Variants in PSAT1 observed in about 807,000 individuals in gnomAD.
The protein encoded by PSAT1 is phosphoserine aminotransferase.
A neutral mutation model predicts 40.3 loss-of-function variants in PSAT1; 41 were observed. The ratio of observed to expected loss-of-function variants is 1.02; its 90% CI spans 0.79 to 1.32. The LOEUF is 1.32. Among genes scored for constraint, PSAT1 ranks in the 40% most tolerant of loss-of-function variants. PSAT1 has a pLI of 0.00. For synonymous variants in PSAT1, 147 were observed against 170.5 expected (o/e 0.86, Z 1.07); for missense variants, 406 against 455.8 (o/e 0.89, Z 0.99).
intron 4 of PSAT1, 147 bp downstream of exon 4, chr9:78,305,087 A>G (rs752447595): frequency 8.1e-6 from 6 of 742,648 alleles, no homozygotes; most frequent in Non-Finnish European, 1.4e-5. Context: ...AGCTAAGACT[A>G]GAGCCTATGC....
At chr9:78,298,213 A>G (rs1428730815) in intron 1 of PSAT1, 1 of 902,280 alleles carries the variant, frequency 1.1e-6, no homozygotes, top group Non-Finnish European at 1.3e-6. Context: ...TGAAGAAGGC[A>G]AAGTCTCCGA....
chr9:78,302,042 A>G lies in PSAT1; in HGVS notation c.191+19A>G. 3 of 1,555,916 alleles carry G rather than the reference A, an allele frequency of 1.9e-6. No homozygotes were observed. Among genetic ancestry groups the G allele is most frequent in the Non-Finnish European group, 2.7e-6 (3 of 1,127,264 alleles). ...AATTGCTGTAAGTTTTAAAAAGACC[A>G]AATCATGTTACTTTTGTTAGATACT... is the stretch of plus-strand genomic sequence containing the variant. On this transcript the variant is annotated intron_variant, in intron 3 of 8. Transcript: ENST00000376588.
rs186902945 is a variant in PSAT1 at position 78,301,276 on chromosome 9, C to T, written c.121+614C>T. Among the ~76,000 whole-genome samples the T allele has an allele frequency of 1.3e-3, 200 of 152,252 alleles. 3 individuals are homozygous for T. The highest frequency in any genetic ancestry group is 1.7e-3 in the East Asian group (9 of 5,168). Reference sequence around the variant, plus strand: ...CAGAAGATACTGTATATTTGCATAACAGTGCCTCCAAACATTTATAATATT... The same window carrying T: ...CAGAAGATACTGTATATTTGCATAATAGTGCCTCCAAACATTTATAATATT... On this transcript the variant is annotated intron_variant, in intron 2 of 8. Transcript: ENST00000376588.
intron 7 of PSAT1, among the ~76,000 whole-genome samples, chr9:78,322,663 G>A (rs1351685526): frequency 1.3e-5 from 2 of 152,074 alleles, no homozygotes; most frequent in Non-Finnish European, 2.9e-5. Context: ...CTTAATTTAG[G>A]CAAGAACCCA....
At chr9:78,318,777 A>G (rs181538762) in intron 7 of PSAT1, among the ~76,000 whole-genome samples, 36 of 152,216 alleles carry the variant, frequency 2.4e-4, no homozygotes, top group African/African-American at 7.7e-4. Context: ...TTTTCCAAAT[A>G]GGTCATATTC....
In PSAT1 at chr9:78,308,452, C is replaced by T; in HGVS notation, c.609C>T (p.Gly203=). 6.2e-7 allele frequency: 1 copy of T among 1,613,794 alleles called. No homozygotes were observed. Among genetic ancestry groups the T allele is most frequent in the Non-Finnish European group, 8.5e-7 (1 of 1,179,786 alleles). ...TTGCTGGTGCCCAGAAGAATGTTGG[C>T]TCTGCTGGGGTCACCGTGGTGATTG... ...VIFAGAQKNV[G]SAGVTVVIVR... is the part of the protein sequence containing the mutation. The change falls in exon 6 of 9, where the codon GGC becomes GGT. Residue 203 remains glycine, a synonymous_variant. Transcript: ENST00000376588.
intron 3 of PSAT1, among the ~76,000 whole-genome samples, chr9:78,304,187 G>C (rs1013839742): frequency 6.6e-6 from 1 of 152,168 alleles, no homozygotes; most frequent in Non-Finnish European, 1.5e-5. Context: ...GGAGAATTTA[G>C]GTGCTTCTAA....
Position 78,308,564 on chromosome 9 carries a change from A to G in PSAT1, c.721A>G (p.Asn241Asp). ...GCAGGCTGGAAACAGCTCCTTGTAC[A>G]ACACGCCTCCATGTTTCAGGTAACT... ...KVQAGNSSLY[N>D]TPPCFSIYVM... Residue 241 changes from asparagine (N) to aspartate (D), a missense_variant, in exon 6 of 9, where the codon AAC becomes GAC. By Grantham distance (23) the Asn-to-Asp change is conservative (BLOSUM62 1). Coordinates refer to ENST00000376588, the MANE Select transcript of PSAT1 (RefSeq NM_058179.4). 1.2e-6 allele frequency: 2 copies of G among 1,614,058 alleles called. No individual in the cohort carries two copies. The highest frequency in any genetic ancestry group is 1.7e-6 in the Non-Finnish European group (2 of 1,180,022).
chr9:78,308,670 G>A (rs1202331476), intron 6 of PSAT1, 87 bp downstream of exon 6: 5 of 1,511,718 alleles, frequency 3.3e-6, no homozygotes, highest in Non-Finnish European at 4.5e-6. Flanking sequence ...AATAAAACAT[G>A]TAAGCCTGGG....
chr9:78,329,206 T>C lies in PSAT1; in HGVS notation c.*120T>C, dbSNP rs1380015320. The C allele has an allele frequency of 1.3e-6, 1 of 755,748 alleles. No individual in the cohort carries two copies. The highest frequency in any genetic ancestry group is 2.3e-6 in the Non-Finnish European group (1 of 433,684). The allele number at this position is 755,748 out of a possible 1,614,324, so 46.8% of individuals were successfully genotyped here. A position where few individuals can be genotyped will look rare whatever the true frequency, so the allele number is the denominator to read the frequency against. The stretch of plus-strand genomic sequence containing the variant: ...TCAAATGAACATGTTTATTGCAGAT[T>C]CTTCTTTTTTGAAAGAACAACAGCA... On this transcript the variant is annotated 3_prime_UTR_variant, in exon 9 of 9. Transcript: ENST00000376588.
Position 78,308,305 on chromosome 9 carries a change from A to G in PSAT1, c.571-109A>G. 3.2e-6 allele frequency: 4 copies of G among 1,242,588 alleles called. No individual in the cohort carries two copies. In the South Asian group the frequency reaches 5.0e-5, roughly 16 times the overall value. The allele number at this position is 1,242,588 out of a possible 1,614,324, so 77.0% of individuals were successfully genotyped here. A position where few individuals can be genotyped will look rare whatever the true frequency, so the allele number is the denominator to read the frequency against. The stretch of plus-strand genomic sequence containing the variant: ...GCATGAACTGCTCCCTACACAGGAT[A>G]GAGTCATTTCCTTAAAAAAATTGTG... On this transcript the variant is annotated intron_variant, in intron 5 of 8. Transcript: ENST00000376588.
At chr9:78,321,912 G>A (rs1022122881) in intron 7 of PSAT1, among the ~76,000 whole-genome samples, 4 of 151,830 alleles carry the variant, frequency 2.6e-5, no homozygotes, top group Admixed American at 2.0e-4. Context: ...TCTGAATCAA[G>A]AATATATAAT....
rs146702503 is a variant in PSAT1, at chr9:78,308,532, A to G, written c.689A>G (p.Tyr230Cys). 1 of 1,613,810 alleles carries G rather than the reference A, an allele frequency of 6.2e-7. No individual in the cohort carries two copies. The highest frequency in any genetic ancestry group is 1.3e-5 in the African/African-American group (1 of 74,844). Residue 230 changes from tyrosine (Y) to cysteine (C), a missense_variant, in exon 6 of 9, where the codon TAC becomes TGC. Physicochemically the swap from Tyr to Cys is radical, Grantham distance 194. Transcript: ENST00000376588. ...ALRECPSVLE[Y>C]KVQAGNSSLY... The stretch of plus-strand genomic sequence containing the variant: ...CGAGAGTGCCCCTCGGTCCTGGAAT[A>G]CAAGGTGCAGGCTGGAAACAGCTCC...
intron 1 of PSAT1, 57 bp downstream of exon 1, chr9:78,297,327 G>C: frequency 6.5e-7 from 1 of 1,547,596 alleles, no homozygotes; most frequent in Admixed American, 1.9e-5. Context: ...ACGCACGCGG[G>C]TGGGTTTGCA....
intron 4 of PSAT1, 33 bp from the exon 5 acceptor site, chr9:78,306,281 A>C (rs1329077271): frequency 6.2e-7 from 1 of 1,611,446 alleles, no homozygotes; most frequent in South Asian, 1.1e-5. Context: ...GAGAGTGAAA[A>C]GTGCAAAGTC....
intron 6 of PSAT1, 32 bp downstream of exon 6, chr9:78,308,615 G>C (rs767506415): frequency 6.2e-7 from 1 of 1,610,720 alleles, no homozygotes; most frequent in Admixed American, 1.7e-5. Context: ...GTGGACCCAG[G>C]GAGGGGTCTC....
intron 5 of PSAT1, among the ~76,000 whole-genome samples, chr9:78,307,401 G>A (rs11137594): frequency 0.79 from 120,104 of 152,280 alleles, 47,469 homozygotes; most frequent in Middle Eastern, 0.82. Context: ...GTGTGTCAGA[G>A]CTTCCTTTCT....
rs371415007 is a variant in PSAT1 at position 78,311,700 on chromosome 9, C to T, written c.740+3117C>T. The stretch of plus-strand genomic sequence containing the variant: ...TACAAGAATTAGCCAGGCATGGTGG[C>T]GGGTGCCTGTAGTCCCAGCTACTCA... On this transcript the variant is annotated intron_variant, in intron 6 of 8. Transcript: ENST00000376588. 3.0e-4 allele frequency among the ~76,000 whole-genome samples: 46 copies of T among 152,066 alleles called. No homozygotes were observed. In the South Asian group the frequency reaches 9.2e-3, roughly 30 times the overall value.
At chr9:78,308,615 G>T (rs767506415) in intron 6 of PSAT1, 32 bp downstream of exon 6, 10 of 1,610,720 alleles carry the variant, frequency 6.2e-6, no homozygotes, top group Non-Finnish European at 8.5e-6. Flanking sequence ...GTGGACCCAG[G>T]GAGGGGTCTC....
Sources: allele counts gnomAD v4.1 joint callset (sites outside exome capture counted in the v4.1 genomes callset), GRCh38; gene constraint gnomAD v4.1.1; transcripts MANE v1.5; gene names NCBI Gene and HGNC (gene_info 2026-07-23, HGNC 2026-07-21).